SLC6A14: variants seen among roughly 807,000 people sequenced by gnomAD.
SLC6A14 encodes the protein sodium- and chloride-dependent neutral and basic amino acid transporter B(0+).
A neutral mutation model predicts 51.4 loss-of-function variants in SLC6A14; 21 were observed. The observed-to-expected ratio is 0.41, with a 90% confidence interval of 0.29 to 0.59. The LOEUF (loss-of-function observed/expected upper bound fraction) is 0.59. Ranked by LOEUF, SLC6A14 falls within the 20% of genes least tolerant of loss-of-function variation. SLC6A14 has a pLI of 0.31. For missense variants in SLC6A14, 371 were observed against 472.8 expected (o/e 0.78, Z 2.00); for synonymous variants, 177 against 160.7 (o/e 1.10, Z -0.77).
At chrX:116,439,941 A>G (rs1927560831) in intron 2 of SLC6A14, among the ~76,000 whole-genome samples, 1 of 111,337 alleles carries the variant, frequency 9.0e-6, no homozygotes, top group African/African-American at 3.3e-5. Flanking sequence ...GAGTTGAAAA[A>G]AATGTTATTC....
intron 2 of SLC6A14, among the ~76,000 whole-genome samples, chrX:116,440,232 G>A (rs1556693568): frequency 1.8e-5 from 2 of 112,004 alleles, no homozygotes; most frequent in African/African-American, 6.5e-5. Context: ...GATGGGGGAG[G>A]TGAATTGTCT....
chrX:116,453,173 C>G (rs1556694524), intron 9 of SLC6A14, 31 bp downstream of exon 9: 2 of 1,149,812 alleles, frequency 1.7e-6, no homozygotes, highest in Non-Finnish European at 1.2e-6. Flanking sequence ...TAACATATTC[C>G]TCTTATATTT....
At chrX:116,450,217 C>A (rs1173626339) in intron 7 of SLC6A14, among the ~76,000 whole-genome samples, 5 of 111,044 alleles carry the variant, frequency 4.5e-5, no homozygotes, top group Non-Finnish European at 9.4e-5. Context: ...ACAAAATTAA[C>A]CTACAAATTT....
intron 7 of SLC6A14, among the ~76,000 whole-genome samples, chrX:116,449,857 A>T (rs782228898): frequency 8.9e-6 from 1 of 112,164 alleles, no homozygotes; most frequent in Non-Finnish European, 1.9e-5. Flanking sequence ...TAGAATTGAC[A>T]TCCAATTGAT....
rs1301119500 is a variant in SLC6A14, at chrX:116,436,773, C to G, written c.48+16C>G. On this transcript the variant is annotated intron_variant, in intron 1 of 13. Transcript: ENST00000598581. ...GGAGAAGGAGGTAGGGGTCTGGGAG[C>G]TGCGGGAGGTGTGGAGGACCTGAGA... is the stretch of plus-strand genomic sequence containing the variant. 8.6e-7 allele frequency: 1 copy of G among 1,161,136 alleles called. No individual in the cohort carries two copies.
intron 7 of SLC6A14, among the ~76,000 whole-genome samples, chrX:116,447,894 G>A (rs1217526768): frequency 1.8e-5 from 2 of 111,401 alleles, no homozygotes; most frequent in African/African-American, 3.3e-5. Context: ...ACCGCACCTG[G>A]CCCTTTCACT....
chrX:116,456,565 C>G (rs188820053), intron 12 of SLC6A14, among the ~76,000 whole-genome samples: 25 of 111,035 alleles, frequency 2.3e-4, no homozygotes, highest in African/African-American at 8.1e-4. Flanking sequence ...ATAAGTTTGA[C>G]ACCTGAATTT....
intron 7 of SLC6A14, among the ~76,000 whole-genome samples, chrX:116,447,088 T>G (rs1313330538): frequency 9.0e-6 from 1 of 111,698 alleles, no homozygotes; most frequent in Non-Finnish European, 1.9e-5. Context: ...TGAGATAATT[T>G]TTAGAAATAG....
intron 13 of SLC6A14, 101 bp from the exon 14 acceptor site, chrX:116,458,708 G>T: frequency 1.3e-6 from 1 of 759,141 alleles, no homozygotes; most frequent in Non-Finnish European, 1.8e-6. Context: ...TTTGTTAGTA[G>T]AGAAAAAATA....
At chrX:116,458,675 T>C (rs1454631647) in intron 13 of SLC6A14, 134 bp from the exon 14 acceptor site, 2 of 509,460 alleles carry the variant, frequency 3.9e-6, no homozygotes, top group African/African-American at 4.9e-5. Context: ...TGAACACTTT[T>C]TAGTTTTCTA....
At position 116,445,470 on chromosome X, in the gene SLC6A14, G is replaced by A. The variant is rs1433108470; in HGVS notation, c.789+420G>A. Among the ~76,000 whole-genome samples the A allele has an allele frequency of 3.2e-3, 310 of 97,789 alleles. 1 individual carries two copies. Among genetic ancestry groups the A allele is most frequent in the African/African-American group, 0.011 (291 of 27,517 alleles). 84.9% of individuals were successfully genotyped at this position (97,789 alleles called of 115,157 possible). On this transcript the variant is annotated intron_variant, in intron 6 of 13. Coordinates refer to ENST00000598581, the MANE Select transcript of SLC6A14 (RefSeq NM_007231.5). Reference sequence around the variant, plus strand: ...AATCCCCTAGTCGGAGAGAGAGAGAGAGAGAGAGAGAGAGAGAGAGAGAGA... The same window carrying A: ...AATCCCCTAGTCGGAGAGAGAGAGAAAGAGAGAGAGAGAGAGAGAGAGAGA...
chrX:116,449,516 A>C (rs1303815804), intron 7 of SLC6A14, among the ~76,000 whole-genome samples: 2 of 112,011 alleles, frequency 1.8e-5, no homozygotes, highest in Admixed American at 1.9e-4. Flanking sequence ...TATTTCTAAC[A>C]CAATTTTCTA....
At chrX:116,445,687 T>C (rs1163448296) in intron 6 of SLC6A14, among the ~76,000 whole-genome samples, 1 of 111,831 alleles carries the variant, frequency 8.9e-6, no homozygotes, top group East Asian at 2.8e-4. Context: ...TTTTATAAAC[T>C]TGCAGAGAGA....
At chrX:116,445,885 G>C (rs2147387318) in intron 6 of SLC6A14, among the ~76,000 whole-genome samples, 1 of 111,400 alleles carries the variant, frequency 9.0e-6, no homozygotes, top group South Asian at 3.7e-4. Context: ...ATGTTAAGTT[G>C]TGATGAGACA....
intron 1 of SLC6A14, among the ~76,000 whole-genome samples, 181 bp downstream of exon 1, chrX:116,436,938 T>C (rs182543287): frequency 2.9e-4 from 33 of 111,906 alleles, no homozygotes; most frequent in Non-Finnish European, 5.6e-4. Context: ...CTTACTCTCA[T>C]AGCTAGAAGA....
chrX:116,457,881 A>C (rs2147392190), intron 13 of SLC6A14, 105 bp downstream of exon 13: 2 of 594,637 alleles, frequency 3.4e-6, no homozygotes, highest in Admixed American at 2.9e-5. Context: ...AAATACAATT[A>C]ATTACTCCTT....
chrX:116,445,457 G>GGAGAGAGAGAGAGAGAGAGA (rs4068397), intron 6 of SLC6A14, among the ~76,000 whole-genome samples: 1 of 67,027 alleles, frequency 1.5e-5, no homozygotes, highest in African/African-American at 6.5e-5. Flanking sequence ...TCCCCTAGTC[G>GGAGAGAGAGAGAGAGAGAGA]GAGAGAGAGA....
At chrX:116,453,665 T>C (rs1318521743) in intron 9 of SLC6A14, among the ~76,000 whole-genome samples, 1 of 111,113 alleles carries the variant, frequency 9.0e-6, no homozygotes, top group Non-Finnish European at 1.9e-5. Flanking sequence ...GGCATATGAA[T>C]GATATACAAT....
In SLC6A14 at chrX:116,438,396, C is replaced by T. The variant is rs782725210; in HGVS notation, c.214+441C>T. Among the ~76,000 whole-genome samples, 7 of 111,871 alleles carry T rather than the reference C, an allele frequency of 6.3e-5. No homozygotes were observed. The East Asian group carries it at 1.7e-3, about 27-fold the overall frequency. The stretch of plus-strand genomic sequence containing the variant: ...AATTATTTGCTTAACTAAAATAATG[C>T]ATTACATTTTGGTGACTTAAGTGTT... On this transcript the variant is annotated intron_variant, in intron 2 of 13. Transcript: ENST00000598581.
Sources: allele counts gnomAD v4.1 joint callset (sites outside exome capture counted in the v4.1 genomes callset), GRCh38; gene constraint gnomAD v4.1.1; transcripts MANE v1.5; gene names NCBI Gene and HGNC (gene_info 2026-07-23, HGNC 2026-07-21).